GPR83: variants seen among roughly 807,000 people sequenced by gnomAD.
GPR83 encodes the protein G-protein coupled receptor 72.
In GPR83, 23 loss-of-function variants were observed where a neutral mutation model predicts 28.0. That is an observed-to-expected ratio of 0.82 (90% CI 0.59 to 1.16). The LOEUF is 1.16. GPR83 is among the 50% of genes most tolerant of loss of function. The probability of loss-of-function intolerance (pLI) is 0.00; values close to 1 mark genes in which losing one functional copy is unlikely to be tolerated. For synonymous variants in GPR83, 234 were observed against 215.4 expected (o/e 1.09, Z -0.76); for missense variants, 610 against 536.6 (o/e 1.14, Z -1.35).
chr11:94,382,582 T>C (rs1441220145), intron 3 of GPR83, among the ~76,000 whole-genome samples: 1 of 152,074 alleles, frequency 6.6e-6, no homozygotes, highest in Non-Finnish European at 1.5e-5. Flanking sequence ...ACAATAATAG[T>C]GGGAGACTTC....
At chr11:94,393,697 A>C in intron 2 of GPR83, 79 bp from the exon 3 acceptor site, 1 of 1,353,992 alleles carries the variant, frequency 7.4e-7, no homozygotes, top group Non-Finnish European at 1.0e-6. Context: ...GCAGGTGCTC[A>C]CTCCTGTAAT....
At chr11:94,391,189 T>A (rs922978944) in intron 3 of GPR83, among the ~76,000 whole-genome samples, 2 of 152,166 alleles carry the variant, frequency 1.3e-5, no homozygotes, top group African/African-American at 4.8e-5. Context: ...AACCATCTGA[T>A]TTTTGACACA....
chr11:94,392,636 C>T (rs1237614800), intron 3 of GPR83, among the ~76,000 whole-genome samples: 1 of 151,908 alleles, frequency 6.6e-6, no homozygotes, highest in African/African-American at 2.4e-5. Context: ...ACCAGCCTGG[C>T]CAATACGGTG....
chr11:94,377,728 A>AT lies in GPR83; in HGVS notation c.*2420dup, dbSNP rs770804777. ...TAGAAGATAGGCTTTGTGTTAAATG[A>AT]TTTTTCCCAGCTGTAGGCTAATATA... On this transcript the variant is annotated 3_prime_UTR_variant, in exon 4 of 4. Coordinates refer to ENST00000243673, the MANE Select transcript of GPR83 (RefSeq NM_016540.4). 1 of 152,148 alleles carries AT rather than the reference A, an allele frequency of 6.6e-6. No homozygotes were observed. The highest frequency in any genetic ancestry group is 1.5e-5 in the Non-Finnish European group (1 of 68,038). 9.4% of individuals were successfully genotyped at this position (152,148 alleles called of 1,614,324 possible).
chr11:94,393,150 T>A (rs1944833627), intron 3 of GPR83, among the ~76,000 whole-genome samples: 1 of 152,186 alleles, frequency 6.6e-6, no homozygotes, highest in Non-Finnish European at 1.5e-5. Flanking sequence ...GGTTTACACC[T>A]TGCTCCTTTT....
At chr11:94,400,795 CAGAGAACTG>C (rs1944903733) in intron 1 of GPR83, 57 bp downstream of exon 1, 1 of 1,498,874 alleles carries the variant, frequency 6.7e-7, no homozygotes, top group East Asian at 2.3e-5. Context: ...AGAGGGAGGC[CAGAGAACTG>C]AGAGAGGAAA....
At chr11:94,391,927 T>G (rs1053328760) in intron 3 of GPR83, among the ~76,000 whole-genome samples, 4 of 152,156 alleles carry the variant, frequency 2.6e-5, no homozygotes, top group Admixed American at 6.5e-5. Context: ...ATTCCTCAAG[T>G]ATCTAGAACT....
In GPR83 at chr11:94,380,726, G is replaced by A; in HGVS notation, c.695C>T (p.Ala232Val). 1 of 1,612,724 alleles carries A rather than the reference G, an allele frequency of 6.2e-7. No homozygotes were observed. Among genetic ancestry groups the A allele is most frequent in the South Asian group, 1.1e-5 (1 of 91,006 alleles). ...GTCCAGGTACTTCCAGAAGAGGTCA[G>A]CTGGCTCAGGGAAGTCTGGCAGGCA... is the stretch of plus-strand genomic sequence containing the variant. Reference protein sequence around the residue: ...SLCLPDFPEPADLFWKYLDLA... With the variant: ...SLCLPDFPEPVDLFWKYLDLA... Residue 232 changes from alanine (A) to valine (V), a missense_variant, in exon 4 of 4, where the codon GCT becomes GTT. Ala to Val is a moderately conservative substitution (Grantham distance 64). Transcript: ENST00000243673.
In GPR83 at chr11:94,379,370, C is replaced by CAAAAAAAAAAA. The variant is rs200200146; in HGVS notation, c.*768_*778dup. ...TGGGTGACAGAGCGAGATTCCATCT[C>CAAAAAAAAAAA]AAAAAAAAAAAAAAAAAGAAAAAAA... is the stretch of plus-strand genomic sequence containing the variant. On this transcript the variant is annotated 3_prime_UTR_variant, in exon 4 of 4. Transcript: ENST00000243673. 1 of 53,710 alleles carries CAAAAAAAAAAA rather than the reference C, an allele frequency of 1.9e-5. No individual in the cohort carries two copies. Among genetic ancestry groups the CAAAAAAAAAAA allele is most frequent in the Non-Finnish European group, 3.8e-5 (1 of 26,606 alleles). The allele number at this position is 53,710 out of a possible 1,614,324, so 3.3% of individuals were successfully genotyped here.
intron 2 of GPR83, among the ~76,000 whole-genome samples, chr11:94,396,045 C>T (rs1473376161): frequency 6.6e-6 from 1 of 152,110 alleles, no homozygotes; most frequent in Non-Finnish European, 1.5e-5. Flanking sequence ...CATGGCAAAA[C>T]CCTATCTCTA....
chr11:94,389,086 TTTAATAAA>T (rs1944788539), intron 3 of GPR83, among the ~76,000 whole-genome samples: 1 of 152,200 alleles, frequency 6.6e-6, no homozygotes, highest in Non-Finnish European at 1.5e-5. Flanking sequence ...GGATTCCCTA[TTTAATAAA>T]TGGTGCTGGG....
At position 94,377,783 on chromosome 11, in the gene GPR83, G is replaced by C. The variant is rs1345465187; in HGVS notation, c.*2366C>G. The C allele has an allele frequency of 1.3e-5, 2 of 152,170 alleles. No individual in the cohort carries two copies. Among genetic ancestry groups the C allele is most frequent in the South Asian group, 2.1e-4 (1 of 4,818 alleles). 9.4% of individuals were successfully genotyped at this position (152,170 alleles called of 1,614,324 possible). A position where few individuals can be genotyped will look rare whatever the true frequency, so the allele number is the denominator to read the frequency against. On this transcript the variant is annotated 3_prime_UTR_variant, in exon 4 of 4. Transcript: ENST00000243673. Reference sequence around the variant, plus strand: ...TTCTCAGAGCATTTAAGGTAGGCTTGGCTAAGCTACGATGTTCAGTAGGTT... The same window carrying C: ...TTCTCAGAGCATTTAAGGTAGGCTTCGCTAAGCTACGATGTTCAGTAGGTT...
intron 3 of GPR83, among the ~76,000 whole-genome samples, chr11:94,391,777 A>G (rs773234140): frequency 2.0e-5 from 3 of 152,140 alleles, no homozygotes; most frequent in Non-Finnish European, 4.4e-5. Context: ...AATGAGATAC[A>G]ATCTCATGCC....
At chr11:94,387,176 CAG>C (rs200995446) in intron 3 of GPR83, among the ~76,000 whole-genome samples, 1 of 152,218 alleles carries the variant, frequency 6.6e-6, no homozygotes, top group East Asian at 1.9e-4. Context: ...ACATTTAAAA[CAG>C]TGTGTAGGGG....
At position 94,400,871 on chromosome 11, in the gene GPR83, G is replaced by C. The variant is rs1374197153; in HGVS notation, c.377C>G (p.Pro126Arg). 1 of 1,613,936 alleles carries C rather than the reference G, an allele frequency of 6.2e-7. No individual in the cohort carries two copies. Among genetic ancestry groups the C allele is most frequent in the Admixed American group, 1.7e-5 (1 of 60,018 alleles). The change falls in exon 1 of 4, where the codon CCC becomes CGC. Residue 126 changes from proline to arginine, a missense_variant. Transcript: ENST00000243673. The part of the protein sequence containing the change: ...ADIMITLLNT[P>R]FTLVRFVNST... ...CAGCGGGCCCCTTACCAAAGTGAAGGGGGTGTTGAGCAGCGTGATCATTAT... is the reference window on the plus strand; with the variant it reads ...CAGCGGGCCCCTTACCAAAGTGAAGCGGGTGTTGAGCAGCGTGATCATTAT...
rs548646592 is a variant in GPR83 at position 94,382,665 on chromosome 11, G to A, written c.648-1892C>T. Among the ~76,000 whole-genome samples the A allele has an allele frequency of 5.3e-5, 8 of 152,212 alleles. No homozygotes were observed. In the East Asian group the frequency reaches 1.4e-3, roughly 26 times the overall value. The stretch of plus-strand genomic sequence containing the variant: ...CAAGGATATTCAGCACTTGAACTCA[G>A]CTCTCGACCAAATGGACCTAATAGA... On this transcript the variant is annotated intron_variant, in intron 3 of 3. Transcript: ENST00000243673.
intron 2 of GPR83, among the ~76,000 whole-genome samples, chr11:94,394,444 C>A (rs1210595096): frequency 6.6e-6 from 1 of 152,156 alleles, no homozygotes; most frequent in Non-Finnish European, 1.5e-5. Context: ...ATCAATTATC[C>A]TAAAAGGTTT....
Position 94,380,703 on chromosome 11 carries a change from C to T in GPR83, c.718G>A (p.Asp240Asn). Residue 240 changes from aspartate to asparagine, a missense_variant, in exon 4 of 4, where the codon GAC (aspartate) becomes AAC (asparagine). Asp to Asn is a conservative substitution (Grantham distance 23). Transcript: ENST00000243673. ...EPADLFWKYL[D>N]LATFILLYIL... ...TAGAGCAGGATGAAGGTGGCCAAGT[C>T]CAGGTACTTCCAGAAGAGGTCAGCT... 3 of 1,613,090 alleles carry T rather than the reference C, an allele frequency of 1.9e-6. No homozygotes were observed. Among genetic ancestry groups the T allele is most frequent in the Non-Finnish European group, 2.5e-6 (3 of 1,179,936 alleles).
intron 1 of GPR83, among the ~76,000 whole-genome samples, chr11:94,398,931 G>T (rs182118592): frequency 1.3e-5 from 2 of 152,290 alleles, no homozygotes; most frequent in African/African-American, 4.8e-5. Context: ...TCATACTGGA[G>T]GGGGTGCTGG....
Sources: gnomAD v4.1 joint callset for allele counts (sites outside exome capture counted in the v4.1 genomes callset) on GRCh38, gnomAD v4.1.1 for gene constraint, MANE v1.5 for transcripts, NCBI Gene and HGNC (gene_info 2026-07-23, HGNC 2026-07-21) for gene names.